Variants in PCDHA3 observed in about 807,000 individuals in gnomAD.
PCDHA3 encodes protocadherin alpha 3.
PCDHA3 carries 41 observed loss-of-function variants against 62.2 expected under a neutral mutation model. The observed-to-expected ratio is 0.66, with a 90% CI of 0.51 to 0.86. The LOEUF (loss-of-function observed/expected upper bound fraction) is 0.86. Among genes scored for constraint, PCDHA3 ranks in the 40% least tolerant of loss-of-function variants. PCDHA3 has a pLI of 0.00. For missense variants in PCDHA3, 1,304 were observed against 1,241.2 expected, an observed-to-expected ratio of 1.05 and a Z score of -0.76; for synonymous variants, 640 against 555.4, an observed-to-expected ratio of 1.15 and a Z score of -2.14.
chr5:140,972,820 C>T (rs1247488574), intron 1 of PCDHA3, among the ~76,000 whole-genome samples: 1 of 151,962 alleles, frequency 6.6e-6, no homozygotes, highest in Non-Finnish European at 1.5e-5. Context: ...CGCGCCACCA[C>T]GCCTGGCTAA....
intron 1 of PCDHA3, chr5:140,811,328 G>A (rs1764840045): frequency 6.6e-6 from 1 of 152,164 alleles, no homozygotes; most frequent in South Asian, 2.1e-4. Flanking sequence ...TCTCTACAAA[G>A]GACATGAACT....
rs782473800 is a variant in PCDHA3 at position 140,927,043 on chromosome 5, T to C, written c.2395-51906T>C. On this transcript the variant is annotated intron_variant, in intron 1 of 3. Transcript: ENST00000522353. Reference sequence around the variant, plus strand: ...CTTGAGGCTGCCAGCGGCCGCTATGTCCTCGCGGAACTTTCGCTTCCTTTC... The same window carrying C: ...CTTGAGGCTGCCAGCGGCCGCTATGCCCTCGCGGAACTTTCGCTTCCTTTC... 11 of 1,612,262 alleles carry C rather than the reference T, an allele frequency of 6.8e-6. No homozygotes were observed. Among genetic ancestry groups the C allele is most frequent in the Non-Finnish European group, 9.3e-6 (11 of 1,178,916 alleles).
intron 1 of PCDHA3, chr5:140,882,970 C>A (rs111935814): frequency 1.2e-6 from 2 of 1,614,130 alleles, no homozygotes; most frequent in African/African-American, 1.3e-5. Flanking sequence ...CGATTCTGGA[C>A]GTGAATGACA....
chr5:140,883,453 C>T (rs138388360), intron 1 of PCDHA3: 46 of 1,614,168 alleles, frequency 2.8e-5, no homozygotes, highest in Non-Finnish European at 3.9e-5. Context: ...ATGTCCCCTT[C>T]AAGCTGGTGT....
chr5:140,877,807 T>C, intron 1 of PCDHA3: 1 of 1,611,556 alleles, frequency 6.2e-7, no homozygotes, highest in Non-Finnish European at 8.5e-7. Context: ...CCTTCAGCTG[T>C]CTCGAGAAGA....
At chr5:141,004,495 C>T (rs1363359146) in intron 3 of PCDHA3, among the ~76,000 whole-genome samples, 14 of 152,182 alleles carry the variant, frequency 9.2e-5, no homozygotes, top group Admixed American at 9.2e-4. Flanking sequence ...TCTTGGCAGT[C>T]CTGCTGTGAG....
rs782527674 is a variant in PCDHA3 at position 140,876,124 on chromosome 5, G to A, written c.2394+72533G>A. 162 of 1,613,780 alleles carry A rather than the reference G, an allele frequency of 1.0e-4. No individual in the cohort carries two copies. The highest frequency in any genetic ancestry group is 1.3e-4 in the Non-Finnish European group (152 of 1,179,892). ...TTTATTGCTGATGGTAATCGATGGC[G>A]GTAAACCAGAACTAACAGGGTCTGT... On this transcript the variant is annotated intron_variant, in intron 1 of 3. Coordinates refer to ENST00000522353, the MANE Select transcript of PCDHA3 (RefSeq NM_018906.3).
chr5:140,802,621 T>C lies in PCDHA3; in HGVS notation c.1424T>C (p.Phe475Ser). ...AACAACCCGCCGGGCTGCCACATCTTCACGGTGTCTGCGCGGGACGCGGAC... is the reference window on the plus strand; with the variant it reads ...AACAACCCGCCGGGCTGCCACATCTCCACGGTGTCTGCGCGGGACGCGGAC... ...KENNPPGCHI[F>S]TVSARDADAQ... Residue 475 changes from phenylalanine (F) to serine (S), a missense_variant, in exon 1 of 4, where the codon TTC becomes TCC. By Grantham distance (155) the Phe-to-Ser change is radical. Coordinates refer to ENST00000522353, the MANE Select transcript of PCDHA3 (RefSeq NM_018906.3). 1 of 1,613,978 alleles carries C rather than the reference T, an allele frequency of 6.2e-7. No individual in the cohort carries two copies. The highest frequency in any genetic ancestry group is 2.2e-5 in the East Asian group (1 of 44,874).
chr5:140,856,168 C>T lies in PCDHA3; in HGVS notation c.2394+52577C>T, dbSNP rs781959235. On this transcript the variant is annotated intron_variant, in intron 1 of 3. Transcript: ENST00000522353. ...ACTCAGTCTACGAGGAGGCCAGACA[C>T]GGCACCTTCGTGGGCCGCATCGCGC... 25 of 1,598,198 alleles carry T rather than the reference C, an allele frequency of 1.6e-5. 4 individuals carry two copies. The highest frequency in any genetic ancestry group is 2.1e-5 in the Non-Finnish European group (24 of 1,167,912).
intron 1 of PCDHA3, chr5:140,966,328 C>T: frequency 5.1e-6 from 2 of 392,484 alleles, no homozygotes; most frequent in Non-Finnish European, 9.0e-6. Context: ...CGCTGGGATC[C>T]GGCAGGTCCA....
chr5:140,842,034 A>G, intron 1 of PCDHA3: 1 of 1,613,854 alleles, frequency 6.2e-7, no homozygotes, highest in Non-Finnish European at 8.5e-7. Context: ...GTGAATGATA[A>G]TGCTCCCACT....
rs1581658412 is a variant in PCDHA3, at chr5:140,803,114, G to T, written c.1917G>T (p.Glu639Asp). The T allele has an allele frequency of 1.9e-6, 3 of 1,613,732 alleles. No homozygotes were observed. Among genetic ancestry groups the T allele is most frequent in the African/African-American group, 2.7e-5 (2 of 74,946 alleles). Residue 639 changes from glutamate to aspartate, a missense_variant, in exon 1 of 4, where the codon GAG becomes GAT. Glu to Asp is a conservative substitution (Grantham distance 45). Coordinates refer to ENST00000522353, the MANE Select transcript of PCDHA3 (RefSeq NM_018906.3). ...GEISTTRALDEVDAPRHRLLV... is the reference protein window; with the variant it reads ...GEISTTRALDDVDAPRHRLLV... ...TCAGCACGACCCGTGCCCTGGACGA[G>T]GTGGACGCCCCGCGCCATCGCCTAC...
chr5:140,965,999 A>T (rs1300275113), intron 1 of PCDHA3, among the ~76,000 whole-genome samples: 1 of 152,140 alleles, frequency 6.6e-6, no homozygotes, highest in Non-Finnish European at 1.5e-5. Context: ...AGTACTTAAG[A>T]GTGTCCAGGG....
intron 1 of PCDHA3, chr5:140,877,659 G>A (rs1554169954): frequency 9.3e-6 from 15 of 1,613,500 alleles, no homozygotes; most frequent in Admixed American, 1.7e-5. Flanking sequence ...CGCCCACCGT[G>A]AGCCGGTGCG....
intron 1 of PCDHA3, chr5:140,835,753 A>C (rs1400734217): frequency 1.9e-6 from 3 of 1,613,298 alleles, no homozygotes; most frequent in Middle Eastern, 3.4e-4. Flanking sequence ...GCGTTCGCGC[A>C]GCCCGAGTAT....
chr5:140,995,353 G>A lies in PCDHA3; in HGVS notation c.2542+12790G>A, dbSNP rs922727759. 8.5e-5 allele frequency among the ~76,000 whole-genome samples: 13 copies of A among 152,138 alleles called. 1 individual carries two copies. The highest frequency in any genetic ancestry group is 4.2e-4 in the South Asian group (2 of 4,804). ...GTAGTGTAGACGGCATGGATAGGTC[G>A]GACAGAGGGATGATTCACGTACTGG... On this transcript the variant is annotated intron_variant, in intron 3 of 3. Transcript: ENST00000522353.
At chr5:140,805,529 G>A in intron 1 of PCDHA3, 2 of 986,496 alleles carry the variant, frequency 2.0e-6, no homozygotes, top group Non-Finnish European at 2.4e-6. Flanking sequence ...AGACAAACAG[G>A]ATGAAAATAA....
intron 1 of PCDHA3, chr5:140,841,063 TAAAG>T (rs1776998418): frequency 2.2e-6 from 1 of 461,482 alleles, no homozygotes; most frequent in South Asian, 3.9e-5. Context: ...TAAATTATGA[TAAAG>T]AAATAGAAAG....
intron 1 of PCDHA3, chr5:140,807,099 G>A: frequency 7.1e-7 from 1 of 1,404,378 alleles, no homozygotes; most frequent in Non-Finnish European, 9.8e-7. Flanking sequence ...AAATATGGAG[G>A]ATGCAGCTGC....
Sources: gnomAD v4.1 joint callset for allele counts (sites outside exome capture counted in the v4.1 genomes callset) on GRCh38, gnomAD v4.1.1 for gene constraint, MANE v1.5 for transcripts, NCBI Gene and HGNC (gene_info 2026-07-23, HGNC 2026-07-21) for gene names.